The following DUS3L variants were observed in gnomAD, a reference collection of about 807,000 sequenced individuals.
DUS3L encodes dihydrouridine synthase 3 like.
Under a neutral mutation model 74.6 loss-of-function variants are expected in DUS3L, and 62 were observed. The observed-to-expected ratio is 0.83, with a 90% CI of 0.68 to 1.03. The LOEUF (loss-of-function observed/expected upper bound fraction) is 1.03. Ranked by LOEUF, DUS3L falls within the 50% of genes least tolerant of loss-of-function variation. DUS3L has a pLI of 0.00. For missense variants in DUS3L, 884 were observed against 924.4 expected, an observed-to-expected ratio of 0.96 and a Z score of 0.57; for synonymous variants, 433 against 395.7, an observed-to-expected ratio of 1.09 and a Z score of -1.12.
chr19:5,787,194 G>GGGAGGTC (rs753685142), intron 7 of DUS3L, 23 bp from the exon 8 acceptor site: 6 of 325,544 alleles, frequency 1.8e-5, no homozygotes, highest in African/African-American at 1.4e-4. Flanking sequence ...GGTGGGAGGT[G>GGGAGGTC]GTGGGAGATG....
Position 5,788,215 on chromosome 19 carries a change from G to A in DUS3L, c.943-39C>T, listed in dbSNP as rs770570538. 31 of 1,610,102 alleles carry A rather than the reference G, an allele frequency of 1.9e-5. 1 individual carries two copies. Among genetic ancestry groups the A allele is most frequent in the African/African-American group, 1.7e-4 (13 of 74,662 alleles). On this transcript the variant is annotated intron_variant, in intron 4 of 12. Coordinates refer to ENST00000309061, the MANE Select transcript of DUS3L (RefSeq NM_020175.3). ...AGGACAGACACACATGCTCTTGCAC[G>A]CGCACACACACACACACACAGCAGA...
At chr19:5,787,973 C>A (rs575218563) in intron 5 of DUS3L, 51 bp downstream of exon 5, 14 of 1,598,674 alleles carry the variant, frequency 8.8e-6, no homozygotes, top group South Asian at 1.1e-5. Context: ...GGCTCTGAGA[C>A]AGGACGGCCG....
At chr19:5,786,234 C>A (rs1568385371) in intron 10 of DUS3L, among the ~76,000 whole-genome samples, 1 of 152,186 alleles carries the variant, frequency 6.6e-6, no homozygotes, top group Non-Finnish European at 1.5e-5. Flanking sequence ...CAGGCGTGAG[C>A]CACACACCTG....
In DUS3L at chr19:5,785,340, G is replaced by A. The variant is rs553203253; in HGVS notation, c.1880+43C>T. 7.8e-5 allele frequency: 126 copies of A among 1,607,104 alleles called. No homozygotes were observed. In the South Asian group the frequency reaches 1.2e-3, roughly 15 times the overall value. ...CCTGCAAAGTACCCTCCGTGACCCC[G>A]GGCCCCCGACTGCAGCTCCCCAACT... On this transcript the variant is annotated intron_variant, in intron 12 of 12. Transcript: ENST00000309061.
At chr19:5,789,929 A>G (rs905469798) in intron 2 of DUS3L, 118 bp downstream of exon 2, 78 of 1,409,336 alleles carry the variant, frequency 5.5e-5, no homozygotes, top group East Asian at 7.3e-5. Flanking sequence ...GAATGGCATC[A>G]GAGCAAGCTC....
chr19:5,786,882 G>A (rs757104182), intron 8 of DUS3L, 37 bp from the exon 9 acceptor site: 4 of 1,577,094 alleles, frequency 2.5e-6, no homozygotes, highest in East Asian at 4.5e-5. Context: ...AGGAGGCAGA[G>A]AGTGAGACGC....
rs775630350 is a variant in DUS3L at position 5,789,452 on chromosome 19, G to A, written c.655C>T (p.Arg219Trp). 19 of 1,601,370 alleles carry A rather than the reference G, an allele frequency of 1.2e-5. No individual in the cohort carries two copies. In the South Asian group the frequency reaches 1.3e-4, roughly 11 times the overall value. ...GLDKALQQQL[R>W]KREVRFERAE... Reference sequence around the variant, plus strand: ...CGCTCGAAGCGGACCTCGCGCTTCCGCAGCTGCTGCTGCAGGGCTTTGTCC... The same window carrying A: ...CGCTCGAAGCGGACCTCGCGCTTCCACAGCTGCTGCTGCAGGGCTTTGTCC... Residue 219 changes from arginine to tryptophan, a missense_variant, in exon 3 of 13, where the codon CGG becomes TGG. Transcript: ENST00000309061.
chr19:5,791,153 A>G lies in DUS3L; in HGVS notation c.-12T>C. ...GTTCCCTCCGCCATCGGCGCCCCTC[A>G]CATCCGCTCTGGAGTGTGGCGGGAA... is the stretch of plus-strand genomic sequence containing the variant. On this transcript the variant is annotated 5_prime_UTR_variant, in exon 1 of 13. An upstream open reading frame in the 5' UTR loses its in-frame stop. Coordinates refer to ENST00000309061, the MANE Select transcript of DUS3L (RefSeq NM_020175.3). 6.3e-7 allele frequency: 1 copy of G among 1,597,282 alleles called. No homozygotes were observed. Among genetic ancestry groups the G allele is most frequent in the Non-Finnish European group, 8.5e-7 (1 of 1,172,170 alleles).
In DUS3L at chr19:5,786,498, G is replaced by GA. The variant is rs1568385486; in HGVS notation, c.1530_1531insT (p.Gln511SerfsTer?). 9.9e-6 allele frequency: 16 copies of GA among 1,612,972 alleles called. No homozygotes were observed. The highest frequency in any genetic ancestry group is 2.7e-5 in the African/African-American group (2 of 74,930). The stretch of plus-strand genomic sequence containing the variant: ...ATCATGATCCCGGTGACACCAGTCT[G>GA]CATGGCGCGGTTGGCATCCTCAAAT... On this transcript the variant is annotated frameshift_variant, in exon 10 of 13. Transcript: ENST00000309061. LOFTEE classifies it high-confidence loss of function.
In DUS3L at chr19:5,788,357, C is replaced by T. The variant is rs745638565; in HGVS notation, c.942G>A (p.Thr314=). 5.0e-6 allele frequency: 8 copies of T among 1,613,680 alleles called. No individual in the cohort carries two copies. Among genetic ancestry groups the T allele is most frequent in the Admixed American group, 1.7e-5 (1 of 59,970 alleles). Reference sequence around the variant, plus strand: ...ACCAGCCACCTGACCCAGGTCCTACCGTGGTGAGGGGGGCCAGGTAAAGTT... The same window carrying T: ...ACCAGCCACCTGACCCAGGTCCTACTGTGGTGAGGGGGGCCAGGTAAAGTT... ...RGKLYLAPLT[T]CGNLPFRRIC... is the part of the protein sequence containing the mutation. Residue 314 remains threonine, a splice_region_variant and synonymous_variant, in exon 4 of 13, where the codon ACG becomes ACA. Coordinates refer to ENST00000309061, the MANE Select transcript of DUS3L (RefSeq NM_020175.3).
rs370604860 is a variant in DUS3L, at chr19:5,787,318, T to C, written c.1256A>G (p.Gln419Arg). 1.2e-4 allele frequency: 132 copies of C among 1,134,562 alleles called. No individual in the cohort carries two copies. The highest frequency in any genetic ancestry group is 1.4e-4 in the Non-Finnish European group (131 of 905,860). The allele number at this position is 1,134,562 out of a possible 1,614,324, so 70.3% of individuals were successfully genotyped here. A position where few individuals can be genotyped will look rare whatever the true frequency, so the allele number is the denominator to read the frequency against. The change falls in exon 7 of 13, where the codon CAG becomes CGG. Residue 419 changes from glutamine (Q) to arginine (R), a missense_variant. Gln to Arg is a conservative substitution (Grantham distance 43). Transcript: ENST00000309061. ...ALMNRSTKFQ[Q>R]IVRGMNQVLD... ...TACCTGGTTCATGCCACGGACGATC[T>C]GCTGGAACTTGGTGGAGCGATTCAT...
In DUS3L at chr19:5,788,021, G is replaced by C. The variant is rs192445950; in HGVS notation, c.1095+3C>G. 188 of 1,612,488 alleles carry C rather than the reference G, an allele frequency of 1.2e-4. No homozygotes were observed. The African/African-American group carries it at 1.9e-3, about 16-fold the overall frequency. Reference sequence around the variant, plus strand: ...CTCTCCCTCCCTCGGGGTGGGCACTGACCTGGACGCCAAAGATGTCCTCAC... The same window carrying C: ...CTCTCCCTCCCTCGGGGTGGGCACTCACCTGGACGCCAAAGATGTCCTCAC... On this transcript the variant is annotated splice_donor_region_variant and intron_variant, in intron 5 of 12. Coordinates refer to ENST00000309061, the MANE Select transcript of DUS3L (RefSeq NM_020175.3).
intron 7 of DUS3L, 33 bp from the exon 8 acceptor site, chr19:5,787,204 G>GGTGGGAGACA (rs2056855584): frequency 4.7e-5 from 11 of 234,804 alleles, no homozygotes; most frequent in Admixed American, 2.8e-4. Context: ...GGTGGGAGAT[G>GGTGGGAGACA]GTGGGAGGTG....
rs1032804511 is a variant in DUS3L at position 5,785,808 on chromosome 19, G to A, written c.1563-17C>T. On this transcript the variant is annotated splice_polypyrimidine_tract_variant and intron_variant, in intron 10 of 12. Transcript: ENST00000309061. ...AGGGCGCCACTGTGGGACGGGTGAC[G>A]ATCAGTGGGCCCAGCCACCAGCCTG... is the stretch of plus-strand genomic sequence containing the variant. 31 of 1,562,388 alleles carry A rather than the reference G, an allele frequency of 2.0e-5. No homozygotes were observed. Among genetic ancestry groups the A allele is most frequent in the South Asian group, 3.5e-5 (3 of 84,702 alleles).
In DUS3L at chr19:5,785,659, C is replaced by T. The variant is rs753365949; in HGVS notation, c.1695G>A (p.Thr565=). The T allele has an allele frequency of 2.0e-5, 33 of 1,612,316 alleles. No individual in the cohort carries two copies. In the African/African-American group the frequency reaches 2.8e-4, roughly 14 times the overall value. ...NYGLEHWGSD[T]QGVEKTRRFL... is the part of the protein sequence containing the mutation. ...AGCGCCGGGTCTTCTCCACGCCCTG[C>T]GTGTCCGAGCCCCAGTGCTCCAGGC... is the stretch of plus-strand genomic sequence containing the variant. Residue 565 remains threonine, a synonymous_variant, in exon 11 of 13, where the codon ACG becomes ACA. Transcript: ENST00000309061.
In DUS3L at chr19:5,787,653, C is replaced by T. The variant is rs1451865334; in HGVS notation, c.1148G>A (p.Arg383His). Residue 383 changes from arginine to histidine, a missense_variant, in exon 6 of 13, where the codon CGC becomes CAC. Arg to His is a conservative substitution (Grantham distance 29). Transcript: ENST00000309061. ...GTCCACAAAGTCCACCTCCACGGTG[C>T]GGCTCAGCAGCTCGGCACACTTGGT... ...TMTKCAELLS[R>H]TVEVDFVDIN... The T allele has an allele frequency of 2.5e-6, 4 of 1,613,636 alleles. No homozygotes were observed. The highest frequency in any genetic ancestry group is 1.7e-5 in the Admixed American group (1 of 60,002).
At chr19:5,786,148 C>T (rs762926419) in intron 10 of DUS3L, 71 of 465,522 alleles carry the variant, frequency 1.5e-4, no homozygotes, top group Non-Finnish European at 2.4e-4. Flanking sequence ...GATGTTTCAC[C>T]ATGTTGGTCA....
At chr19:5,790,747 A>AGGGACTACAATCC in intron 1 of DUS3L, 1 of 566,456 alleles carries the variant, frequency 1.8e-6, no homozygotes, top group Non-Finnish European at 3.1e-6. Flanking sequence ...CTGGCAGAGC[A>AGGGACTACAATCC]CATGCGCCGT....
At chr19:5,790,953 C>T in intron 1 of DUS3L, 91 bp downstream of exon 1, 1 of 1,304,046 alleles carries the variant, frequency 7.7e-7, no homozygotes, top group Non-Finnish European at 1.1e-6. Flanking sequence ...TCGCCCTCAG[C>T]CGCTGCCTAA....
Sources: gnomAD v4.1 joint callset for allele counts (sites outside exome capture counted in the v4.1 genomes callset) on GRCh38, gnomAD v4.1.1 for gene constraint, MANE v1.5 for transcripts, NCBI Gene and HGNC (gene_info 2026-07-23, HGNC 2026-07-21) for gene names.